Variants in CHCHD3 observed in about 807,000 individuals in gnomAD.
CHCHD3 encodes the protein coiled-coil-helix-coiled-coil-helix domain containing 3.
A neutral mutation model predicts 38.2 loss-of-function variants in CHCHD3; 20 were observed. The ratio of observed to expected loss-of-function variants is 0.52; its 90% CI spans 0.37 to 0.76. The LOEUF is 0.76. Ranked by LOEUF, CHCHD3 falls within the 30% of genes least tolerant of loss-of-function variation. The probability of loss-of-function intolerance (pLI) is 0.00; values close to 1 mark genes in which losing one functional copy is unlikely to be tolerated. For missense variants in CHCHD3, 245 were observed against 279.2 expected, an observed-to-expected ratio of 0.88 and a Z score of 0.87; for synonymous variants, 82 against 100.0, an observed-to-expected ratio of 0.82 and a Z score of 1.07.
At chr7:132,912,117 A>T (rs1202864609) in intron 4 of CHCHD3, among the ~76,000 whole-genome samples, 1 of 152,180 alleles carries the variant, frequency 6.6e-6, no homozygotes, top group Non-Finnish European at 1.5e-5. Flanking sequence ...TATCACCTTC[A>T]GGACTTTTGT....
intron 3 of CHCHD3, among the ~76,000 whole-genome samples, chr7:132,995,318 C>G (rs930883476): frequency 5.9e-5 from 9 of 152,128 alleles, no homozygotes; most frequent in East Asian, 1.9e-4. Flanking sequence ...ACCCATGAAG[C>G]CATCACTACT....
chr7:133,076,130 T>A (rs1235926232), intron 1 of CHCHD3, among the ~76,000 whole-genome samples: 2 of 151,630 alleles, frequency 1.3e-5, no homozygotes, highest in Non-Finnish European at 2.9e-5. Flanking sequence ...GGCACTTGTT[T>A]AAGCAAAGCC....
intron 6 of CHCHD3, among the ~76,000 whole-genome samples, chr7:132,811,848 C>T (rs149365545): frequency 1.4e-3 from 206 of 152,246 alleles, no homozygotes; most frequent in African/African-American, 4.5e-3. Flanking sequence ...CTTTGCTCTT[C>T]TCTCTCCCCT....
chr7:132,957,936 A>G (rs1273358355), intron 4 of CHCHD3, among the ~76,000 whole-genome samples: 7 of 152,360 alleles, frequency 4.6e-5, no homozygotes, highest in Non-Finnish European at 1.5e-5. Context: ...CTAGTTTGTC[A>G]ACAGGCTGAG....
intron 6 of CHCHD3, among the ~76,000 whole-genome samples, chr7:132,814,784 A>G (rs1187256176): frequency 2.0e-5 from 3 of 152,232 alleles, no homozygotes; most frequent in Non-Finnish European, 4.4e-5. Context: ...ATGTCATATC[A>G]TATATCATAT....
intron 3 of CHCHD3, among the ~76,000 whole-genome samples, chr7:132,988,827 G>A (rs899011586): frequency 6.6e-6 from 1 of 152,038 alleles, no homozygotes; most frequent in Non-Finnish European, 1.5e-5. Flanking sequence ...GCTACAGCAG[G>A]AGAATCACTT....
intron 2 of CHCHD3, among the ~76,000 whole-genome samples, chr7:133,049,382 T>C (rs1482224633): frequency 6.6e-6 from 1 of 152,252 alleles, no homozygotes. Flanking sequence ...AGATTCAAGA[T>C]GATGCACATA....
intron 6 of CHCHD3, among the ~76,000 whole-genome samples, chr7:132,818,939 A>G (rs1430503811): frequency 1.3e-5 from 2 of 152,246 alleles, no homozygotes; most frequent in Non-Finnish European, 2.9e-5. Context: ...CTAATGTCCA[A>G]CAAAAATCAG....
intron 5 of CHCHD3, among the ~76,000 whole-genome samples, chr7:132,869,940 A>G (rs148363676): frequency 6.6e-6 from 1 of 152,170 alleles, no homozygotes; most frequent in Non-Finnish European, 1.5e-5. Flanking sequence ...GAAAAACCTG[A>G]AAGATTATAT....
At chr7:132,975,308 A>C in intron 3 of CHCHD3, 22 bp from the exon 4 acceptor site, 1 of 1,562,838 alleles carries the variant, frequency 6.4e-7, no homozygotes, top group African/African-American at 1.4e-5. Flanking sequence ...AGAATTGTCT[A>C]AGTTAGAAAA....
chr7:132,937,384 A>G (rs985295876), intron 4 of CHCHD3, among the ~76,000 whole-genome samples: 1 of 152,184 alleles, frequency 6.6e-6, no homozygotes, highest in Non-Finnish European at 1.5e-5. Flanking sequence ...CCTTTTCCAA[A>G]CATAAGAATG....
intron 2 of CHCHD3, among the ~76,000 whole-genome samples, chr7:133,066,289 CTG>C (rs1814668466): frequency 1.3e-5 from 2 of 148,968 alleles, no homozygotes; most frequent in African/African-American, 5.0e-5. Context: ...GAGTCTCACT[CTG>C]TTGCCCAGGC....
intron 6 of CHCHD3, among the ~76,000 whole-genome samples, chr7:132,823,833 G>A (rs1807441940): frequency 6.6e-6 from 1 of 152,032 alleles, no homozygotes; most frequent in Admixed American, 6.5e-5. Flanking sequence ...TGAATTCTTA[G>A]GACACCATTC....
chr7:132,950,975 C>A (rs531242129), intron 4 of CHCHD3, among the ~76,000 whole-genome samples: 1 of 152,238 alleles, frequency 6.6e-6, no homozygotes, highest in South Asian at 2.1e-4. Flanking sequence ...TTGGCTGAGG[C>A]ACAGCACCCT....
intron 4 of CHCHD3, among the ~76,000 whole-genome samples, chr7:132,921,268 A>G (rs1810255157): frequency 6.6e-6 from 1 of 152,222 alleles, no homozygotes; most frequent in Non-Finnish European, 1.5e-5. Flanking sequence ...TAATGATACT[A>G]TAATTTTATA....
intron 6 of CHCHD3, among the ~76,000 whole-genome samples, chr7:132,824,419 C>T (rs1139039): frequency 5.5e-5 from 8 of 146,390 alleles, no homozygotes; most frequent in Non-Finnish European, 7.5e-5. Context: ...CCTGGGTTCA[C>T]GCCATTCTCC....
intron 4 of CHCHD3, among the ~76,000 whole-genome samples, chr7:132,895,095 T>A (rs1444885387): frequency 6.6e-6 from 1 of 152,160 alleles, no homozygotes; most frequent in Non-Finnish European, 1.5e-5. Flanking sequence ...ATCAGTAAAA[T>A]GAGAGCTCTC....
At chr7:132,949,341 G>A (rs775666086) in intron 4 of CHCHD3, among the ~76,000 whole-genome samples, 1 of 152,070 alleles carries the variant, frequency 6.6e-6, no homozygotes, top group Non-Finnish European at 1.5e-5. Context: ...GAGGACAAAC[G>A]CCTATTTCCT....
chr7:132,982,111 T>C (rs975599898), intron 3 of CHCHD3, among the ~76,000 whole-genome samples: 1 of 152,180 alleles, frequency 6.6e-6, no homozygotes, highest in Non-Finnish European at 1.5e-5. Context: ...AAGTAATTAT[T>C]AGACTATTAA....
Sources: gnomAD v4.1 joint callset for allele counts (sites outside exome capture counted in the v4.1 genomes callset) on GRCh38, gnomAD v4.1.1 for gene constraint, MANE v1.5 for transcripts, NCBI Gene and HGNC (gene_info 2026-07-23, HGNC 2026-07-21) for gene names.